Variants in CNTN4 observed in about 807,000 individuals in gnomAD.
CNTN4 encodes contactin 4, also known as contactin-4.
A neutral mutation model predicts 122.5 loss-of-function variants in CNTN4; 77 were observed. That is an observed-to-expected ratio of 0.63 (90% CI 0.52 to 0.76). The LOEUF is 0.76. CNTN4 is among the 30% of genes least tolerant of loss of function. The pLI, the probability that CNTN4 is intolerant of heterozygous loss-of-function variation, is 0.00. For missense variants in CNTN4, 1,256 were observed against 1,259.1 expected (o/e 1.00, Z 0.04); for synonymous variants, 512 against 447.0 (o/e 1.15, Z -1.83).
At chr3:2,597,004 A>G (rs1576155192) in intron 4 of CNTN4, among the ~76,000 whole-genome samples, 1 of 152,074 alleles carries the variant, frequency 6.6e-6, no homozygotes, top group East Asian at 1.9e-4. Context: ...CACATAGCCC[A>G]TATAAACTCA....
At chr3:2,869,038 CGAA>C (rs751401819) in intron 8 of CNTN4, among the ~76,000 whole-genome samples, 7 of 151,904 alleles carry the variant, frequency 4.6e-5, no homozygotes, top group Non-Finnish European at 8.8e-5. Context: ...TCAGAAAACA[CGAA>C]GAACAGTTGA....
At chr3:2,574,986 C>T (rs890654074) in intron 4 of CNTN4, among the ~76,000 whole-genome samples, 1 of 151,972 alleles carries the variant, frequency 6.6e-6, no homozygotes, top group African/African-American at 2.4e-5. Flanking sequence ...GTTCCTAGTC[C>T]ACCACTTTGT....
intron 2 of CNTN4, among the ~76,000 whole-genome samples, chr3:2,264,219 T>C (rs1444817578): frequency 2.0e-5 from 3 of 152,184 alleles, no homozygotes; most frequent in Admixed American, 2.0e-4. Flanking sequence ...TGTGCTACTT[T>C]TACATTTTCA....
At chr3:2,212,280 A>G (rs1177083658) in intron 2 of CNTN4, among the ~76,000 whole-genome samples, 1 of 152,002 alleles carries the variant, frequency 6.6e-6, no homozygotes, top group East Asian at 1.9e-4. Context: ...AGACCTCCTC[A>G]TCATGTTGAA....
chr3:2,484,319 G>C (rs1368705649), intron 3 of CNTN4, among the ~76,000 whole-genome samples: 2 of 152,290 alleles, frequency 1.3e-5, no homozygotes, highest in Non-Finnish European at 1.5e-5. Context: ...TGATAAGACA[G>C]TAAGTCCAAT....
chr3:2,843,167 C>T (rs1219446360), intron 7 of CNTN4, among the ~76,000 whole-genome samples: 1 of 152,162 alleles, frequency 6.6e-6, no homozygotes, highest in Non-Finnish European at 1.5e-5. Flanking sequence ...AAATCTTATT[C>T]TCCTATAGTT....
intron 3 of CNTN4, among the ~76,000 whole-genome samples, chr3:2,448,135 G>A (rs1382144371): frequency 2.6e-5 from 4 of 152,226 alleles, no homozygotes; most frequent in African/African-American, 4.8e-5. Flanking sequence ...ATAGTCCTGT[G>A]GTCCCCTATG....
At chr3:2,978,763 G>T (rs1693664800) in intron 13 of CNTN4, among the ~76,000 whole-genome samples, 1 of 152,060 alleles carries the variant, frequency 6.6e-6, no homozygotes, top group Non-Finnish European at 1.5e-5. Flanking sequence ...ATCGCTGATG[G>T]CCCCTGGGGT....
At chr3:2,299,516 C>T (rs2042430005) in intron 2 of CNTN4, among the ~76,000 whole-genome samples, 1 of 152,010 alleles carries the variant, frequency 6.6e-6, no homozygotes, top group African/African-American at 2.4e-5. Context: ...ACACTGTCTG[C>T]CTCTCAAGCT....
intron 4 of CNTN4, among the ~76,000 whole-genome samples, chr3:2,678,349 CCTT>C (rs2150456034): frequency 6.6e-6 from 1 of 152,198 alleles, no homozygotes; most frequent in South Asian, 2.1e-4. Flanking sequence ...TTTATCCTGT[CCTT>C]AATAATATTG....
intron 4 of CNTN4, among the ~76,000 whole-genome samples, chr3:2,597,547 T>A (rs148429280): frequency 6.6e-6 from 1 of 152,276 alleles, no homozygotes; most frequent in East Asian, 1.9e-4. Context: ...ATGATGCATC[T>A]GGTGTCTGTA....
chr3:2,277,158 C>T (rs1192779513), intron 2 of CNTN4, among the ~76,000 whole-genome samples: 1 of 152,022 alleles, frequency 6.6e-6, no homozygotes, highest in Admixed American at 6.6e-5. Context: ...ATTTTAAAGG[C>T]TATAAGAGTT....
intron 2 of CNTN4, among the ~76,000 whole-genome samples, chr3:2,210,296 A>G (rs1019266555): frequency 2.0e-5 from 3 of 152,198 alleles, no homozygotes; most frequent in Admixed American, 6.5e-5. Context: ...ATGATATTTC[A>G]CAGAGTAAAT....
chr3:2,563,968 C>T (rs1219816362), intron 3 of CNTN4, among the ~76,000 whole-genome samples: 1 of 151,278 alleles, frequency 6.6e-6, no homozygotes, highest in Non-Finnish European at 1.5e-5. Context: ...TAACAAATTA[C>T]CAAATTATGT....
Position 2,915,158 on chromosome 3 carries a change from C to T in CNTN4, c.1208-10471C>T, listed in dbSNP as rs373654100. Among the ~76,000 whole-genome samples the T allele has an allele frequency of 7.0e-4, 107 of 152,292 alleles. 2 individuals carry two copies. The highest frequency in any genetic ancestry group is 2.5e-3 in the African/African-American group (104 of 41,566). ...TTGGCTCACTGCAACCTCCACCTCC[C>T]GGGTTCAAGCGTATCTCCCACCTGA... On this transcript the variant is annotated intron_variant, in intron 12 of 24. Transcript: ENST00000418658.
intron 13 of CNTN4, among the ~76,000 whole-genome samples, chr3:2,945,395 C>T (rs934569305): frequency 2.0e-5 from 3 of 152,176 alleles, no homozygotes; most frequent in East Asian, 1.9e-4. Context: ...TTCCTTTTTC[C>T]GATCCTCCCC....
chr3:2,125,937 ATG>A (rs2034130638), intron 2 of CNTN4, among the ~76,000 whole-genome samples: 1 of 133,332 alleles, frequency 7.5e-6, no homozygotes, highest in Non-Finnish European at 1.7e-5. Context: ...GTATGTGTGT[ATG>A]TGTGTGTGTT....
chr3:2,608,947 A>G (rs1429555801), intron 4 of CNTN4, among the ~76,000 whole-genome samples: 1 of 152,182 alleles, frequency 6.6e-6, no homozygotes, highest in Non-Finnish European at 1.5e-5. Context: ...TACAGTCTAT[A>G]AAGAGTCTGG....
chr3:2,253,332 C>G (rs916192969), intron 2 of CNTN4, among the ~76,000 whole-genome samples: 1 of 152,016 alleles, frequency 6.6e-6, no homozygotes, highest in Non-Finnish European at 1.5e-5. Flanking sequence ...GCCTTATAGC[C>G]TTTTTAAACG....
Sources: allele counts gnomAD v4.1 joint callset (sites outside exome capture counted in the v4.1 genomes callset), GRCh38; gene constraint gnomAD v4.1.1; transcripts MANE v1.5; gene names NCBI Gene and HGNC (gene_info 2026-07-23, HGNC 2026-07-21).